ZNF254: variants seen among roughly 807,000 people sequenced by gnomAD.
ZNF254 encodes zinc finger protein 254, also known as CTD-2017D11.1.
ZNF254 carries 10 observed loss-of-function variants against 12.4 expected under a neutral mutation model. The observed-to-expected ratio is 0.80, with a 90% CI of 0.50 to 1.36. The LOEUF is 1.36. Ranked by LOEUF, ZNF254 falls within the 40% of genes most tolerant of loss-of-function variation. The pLI, the probability that ZNF254 is intolerant of heterozygous loss-of-function variation, is 0.00. For synonymous variants in ZNF254, 305 were observed against 253.4 expected (o/e 1.20, Z -1.93); for missense variants, 996 against 763.9 (o/e 1.30, Z -3.58).
At chr19:24,081,775 T>C (rs1444275685) in intron 2 of ZNF254, among the ~76,000 whole-genome samples, 1 of 152,188 alleles carries the variant, frequency 6.6e-6, no homozygotes, top group Non-Finnish European at 1.5e-5. Context: ...ACCGTTTGGA[T>C]TGAGGCTTTT....
intron 1 of ZNF254, among the ~76,000 whole-genome samples, chr19:24,090,459 GAC>G (rs752506039): frequency 1.3e-5 from 2 of 152,118 alleles, no homozygotes; most frequent in African/African-American, 2.4e-5. Context: ...GTTGTCTTGA[GAC>G]AGTTTCCCTC....
At position 24,087,215 on chromosome 19, in the gene ZNF254, C is replaced by G. The variant is rs1972075424; in HGVS notation, c.-93C>G. The G allele has an allele frequency of 3.2e-6, 5 of 1,566,494 alleles. No individual in the cohort carries two copies. In the South Asian group the frequency reaches 4.4e-5, roughly 14 times the overall value. On this transcript the variant is annotated 5_prime_UTR_variant, in exon 1 of 4. Coordinates refer to ENST00000357002, the MANE Select transcript of ZNF254 (RefSeq NM_203282.4). ...TTTGTCTCTCGCTGTCGCCGGAGTCCCAGGTCTGTCTTCACTGCTCTGTGT... is the reference window on the plus strand; with the variant it reads ...TTTGTCTCTCGCTGTCGCCGGAGTCGCAGGTCTGTCTTCACTGCTCTGTGT...
rs1450154176 is a variant in ZNF254 at position 24,129,751 on chromosome 19, T to C, written c.*1771T>C. 1 of 151,994 alleles carries C rather than the reference T, an allele frequency of 6.6e-6. No homozygotes were observed. The highest frequency in any genetic ancestry group is 2.4e-5 in the African/African-American group (1 of 41,442). The allele number at this position is 151,994 out of a possible 1,614,324, so 9.4% of individuals were successfully genotyped here. On this transcript the variant is annotated 3_prime_UTR_variant, in exon 4 of 4. Coordinates refer to ENST00000357002, the MANE Select transcript of ZNF254 (RefSeq NM_203282.4). ...AGTTATTTTTAAATTTACAATGTTA[T>C]TGATTACAGGGTCATTTTTATGGTC...
At chr19:24,111,442 A>T (rs1973675438) in intron 3 of ZNF254, among the ~76,000 whole-genome samples, 1 of 152,130 alleles carries the variant, frequency 6.6e-6, no homozygotes, top group African/African-American at 2.4e-5. Flanking sequence ...TAGCAGCATG[A>T]TTTATAGTCC....
chr19:24,087,124 C>A, upstream of ZNF254: 1 of 658,890 alleles, frequency 1.5e-6, no homozygotes, highest in Non-Finnish European at 2.6e-6. Flanking sequence ...GGACGTTGGG[C>A]TGGGAACTGT....
intron 2 of ZNF254, among the ~76,000 whole-genome samples, chr19:24,051,973 T>C (rs931298369): frequency 1.3e-5 from 2 of 152,172 alleles, no homozygotes; most frequent in Non-Finnish European, 2.9e-5. Context: ...ATTTAGATGA[T>C]GTGACTCTCT....
At chr19:24,053,650 A>C (rs978717622) in intron 2 of ZNF254, among the ~76,000 whole-genome samples, 1 of 151,520 alleles carries the variant, frequency 6.6e-6, no homozygotes, top group Non-Finnish European at 1.5e-5. Flanking sequence ...AGGTCGTGTG[A>C]CTCTCCTGTG....
rs2146019924 is a variant in ZNF254 at position 24,126,755 on chromosome 19, C to T, written c.755C>T (p.Thr252Ile). 1.9e-6 allele frequency: 3 copies of T among 1,613,342 alleles called. No individual in the cohort carries two copies. In the South Asian group the frequency reaches 3.3e-5, roughly 18 times the overall value. Residue 252 changes from threonine to isoleucine, a missense_variant, in exon 4 of 4, where the codon ACC (threonine) becomes ATC (isoleucine). Coordinates refer to ENST00000357002, the MANE Select transcript of ZNF254 (RefSeq NM_203282.4). ...AACAAATCTCCTAAGCAACTCTCAA[C>T]CCTTACTACACATGAAATAATTCAT... Reference protein sequence around the residue: ...EYNKSPKQLSTLTTHEIIHAG... With the variant: ...EYNKSPKQLSILTTHEIIHAG...
chr19:24,115,257 A>G (rs1973964528), intron 3 of ZNF254, among the ~76,000 whole-genome samples: 1 of 152,068 alleles, frequency 6.6e-6, no homozygotes, highest in Admixed American at 6.5e-5. Context: ...TCACAATAGC[A>G]AAGACTTGGA....
chr19:24,127,690 C>A lies in ZNF254; in HGVS notation c.1690C>A (p.His564Asn). Residue 564 changes from histidine (H) to asparagine (N), a missense_variant, in exon 4 of 4, where the codon CAT becomes AAT. Physicochemically the swap from His to Asn is moderately conservative, Grantham distance 68. Coordinates refer to ENST00000357002, the MANE Select transcript of ZNF254 (RefSeq NM_203282.4). ...AFKQSSILTN[H>N]KRIHTGEKPY... is the part of the protein sequence containing the mutation. ...TAAGCAGTCTTCAATCCTTACTAAC[C>A]ATAAGAGAATTCATACTGGAGAGAA... is the stretch of plus-strand genomic sequence containing the variant. The A allele has an allele frequency of 6.2e-7, 1 of 1,613,294 alleles. No homozygotes were observed. The highest frequency in any genetic ancestry group is 1.1e-5 in the South Asian group (1 of 91,044).
chr19:24,099,025 C>CT (rs1481939550), intron 1 of ZNF254: 2 of 93,760 alleles, frequency 2.1e-5, no homozygotes, highest in African/African-American at 4.6e-5. Context: ...TTGAGACAGT[C>CT]TTGCCCTGTC....
chr19:24,123,318 T>A (rs1040899267), intron 3 of ZNF254, among the ~76,000 whole-genome samples: 2 of 152,204 alleles, frequency 1.3e-5, no homozygotes, highest in Non-Finnish European at 2.9e-5. Flanking sequence ...ACTTCCTTTT[T>A]GGCTTAAGAT....
chr19:24,122,472 G>A (rs746170913), intron 3 of ZNF254, among the ~76,000 whole-genome samples: 18 of 152,180 alleles, frequency 1.2e-4, no homozygotes, highest in East Asian at 1.9e-4. Flanking sequence ...TGATCCACCC[G>A]CTTGGGTCTC....
chr19:24,067,051 GT>G (rs1490093281), intron 2 of ZNF254: 1 of 151,954 alleles, frequency 6.6e-6, no homozygotes, highest in Non-Finnish European at 1.5e-5. Context: ...TTATTTCTTA[GT>G]TTTTCTCCTG....
At chr19:24,033,646 C>G in intron 1 of ZNF254, 2 of 366,688 alleles carry the variant, frequency 5.5e-6, no homozygotes, top group Admixed American at 3.4e-5. Context: ...TTGGGCATCC[C>G]GAAAGGAGAG....
intron 1 of ZNF254, among the ~76,000 whole-genome samples, chr19:24,087,765 T>C (rs1972116271): frequency 1.3e-5 from 2 of 152,116 alleles, no homozygotes. Flanking sequence ...AATAAAAGAA[T>C]GATTCAAAAA....
intron 1 of ZNF254, among the ~76,000 whole-genome samples, chr19:24,100,169 CTT>C (rs1355850833): frequency 1.3e-5 from 2 of 152,092 alleles, no homozygotes; most frequent in Non-Finnish European, 2.9e-5. Flanking sequence ...TTCCATGACT[CTT>C]TTATCTTCAG....
chr19:24,094,346 C>T (rs894544389), intron 1 of ZNF254, among the ~76,000 whole-genome samples: 1 of 151,994 alleles, frequency 6.6e-6, no homozygotes, highest in Non-Finnish European at 1.5e-5. Context: ...CCGCAAACTC[C>T]ACCTCCCAGG....
At chr19:24,068,275 G>T (rs1201422801) in intron 2 of ZNF254, among the ~76,000 whole-genome samples, 2 of 151,752 alleles carry the variant, frequency 1.3e-5, no homozygotes, top group African/African-American at 4.8e-5. Context: ...GCACACAGGT[G>T]ATGTGACTTG....
Sources: gnomAD v4.1 joint callset for allele counts (sites outside exome capture counted in the v4.1 genomes callset) on GRCh38, gnomAD v4.1.1 for gene constraint, MANE v1.5 for transcripts, NCBI Gene and HGNC (gene_info 2026-07-23, HGNC 2026-07-21) for gene names.